The following ALDH5A1 variants were observed in gnomAD, a reference collection of about 807,000 sequenced individuals.
The protein encoded by ALDH5A1 is succinate-semialdehyde dehydrogenase, mitochondrial.
A neutral mutation model predicts 54.7 loss-of-function variants in ALDH5A1; 33 were observed. The ratio of observed to expected loss-of-function variants is 0.60; its 90% CI spans 0.46 to 0.81. ALDH5A1 has a LOEUF of 0.81. Ranked by LOEUF, ALDH5A1 falls within the 30% of genes least tolerant of loss-of-function variation. ALDH5A1 has a pLI of 0.00. For synonymous variants in ALDH5A1, 294 were observed against 292.7 expected, an observed-to-expected ratio of 1.00 and a Z score of -0.05; for missense variants, 657 against 711.0, an observed-to-expected ratio of 0.92 and a Z score of 0.86.
At chr6:24,512,851 G>C (rs962837196) in intron 4 of ALDH5A1, among the ~76,000 whole-genome samples, 1 of 151,906 alleles carries the variant, frequency 6.6e-6, no homozygotes, top group Non-Finnish European at 1.5e-5. Context: ...CATCATGCCC[G>C]TCTATTTTTT....
chr6:24,526,402 T>C (rs1241581271), intron 7 of ALDH5A1, among the ~76,000 whole-genome samples: 1 of 152,166 alleles, frequency 6.6e-6, no homozygotes. Context: ...TTTGGGAAGA[T>C]AGTACATCTG....
intron 1 of ALDH5A1, among the ~76,000 whole-genome samples, chr6:24,496,477 G>C (rs1764707823): frequency 6.6e-6 from 1 of 152,200 alleles, no homozygotes; most frequent in Non-Finnish European, 1.5e-5. Context: ...AAGTACCACA[G>C]ACTGGGTGGC....
chr6:24,499,101 C>CAAAAAAAAAAAAAAAAAAAAAAAAA (rs35062384), intron 1 of ALDH5A1, among the ~76,000 whole-genome samples: 1 of 91,258 alleles, frequency 1.1e-5, no homozygotes. Flanking sequence ...GACTCTGTCT[C>CAAAAAAAAAAAAAAAAAAAAAAAAA]AAAAAAAAAA....
chr6:24,527,910 A>G (rs1358371985), intron 7 of ALDH5A1, 87 bp from the exon 8 acceptor site: 2 of 1,500,278 alleles, frequency 1.3e-6, no homozygotes, highest in Non-Finnish European at 1.8e-6. Context: ...AAAGAAAAAA[A>G]AATGGAACTA....
intron 3 of ALDH5A1, 106 bp downstream of exon 3, chr6:24,503,539 C>T: frequency 2.2e-6 from 3 of 1,352,046 alleles, no homozygotes; most frequent in Non-Finnish European, 2.0e-6. Context: ...TTAGTTTTGT[C>T]ACCTGTTCCT....
chr6:24,496,142 A>G (rs369760234), intron 1 of ALDH5A1, among the ~76,000 whole-genome samples: 3 of 152,186 alleles, frequency 2.0e-5, no homozygotes, highest in African/African-American at 7.2e-5. Flanking sequence ...TACGAGTACA[A>G]GAGAGTCTTA....
Position 24,520,386 on chromosome 6 carries a change from C to T in ALDH5A1, c.871-15C>T. 6.2e-7 allele frequency: 1 copy of T among 1,613,842 alleles called. No homozygotes were observed. Among genetic ancestry groups the T allele is most frequent in the Non-Finnish European group, 8.5e-7 (1 of 1,180,000 alleles). On this transcript the variant is annotated splice_polypyrimidine_tract_variant and intron_variant, in intron 5 of 9. Transcript: ENST00000357578. ...TGGATTTCTGTGCTCACAGCTTTCTCTCCTCTGCTCACAGATCCTGTTGCA... is the reference window on the plus strand; with the variant it reads ...TGGATTTCTGTGCTCACAGCTTTCTTTCCTCTGCTCACAGATCCTGTTGCA...
At position 24,495,110 on chromosome 6, in the gene ALDH5A1, G is replaced by A. The variant is rs1231975480; in HGVS notation, c.114G>A (p.Ala38=). 2 of 1,309,490 alleles carry A rather than the reference G, an allele frequency of 1.5e-6. No homozygotes were observed. The highest frequency in any genetic ancestry group is 4.1e-5 in the Admixed American group (1 of 24,502). 81.1% of individuals were successfully genotyped at this position (1,309,490 alleles called of 1,614,324 possible). ...AGGLVPASGP[A]PGPAQLRCYA... ...GCCTGGTCCCTGCCTCCGGGCCTGC[G>A]CCCGGCCCGGCCCAGCTCCGCTGCT... Residue 38 remains alanine, a synonymous_variant, in exon 1 of 10, where the codon GCG becomes GCA. Coordinates refer to ENST00000357578, the MANE Select transcript of ALDH5A1 (RefSeq NM_001080.3).
intron 4 of ALDH5A1, among the ~76,000 whole-genome samples, chr6:24,511,541 G>A (rs1330024014): frequency 6.6e-6 from 1 of 151,970 alleles, no homozygotes. Context: ...CTTTGTCTTT[G>A]TTGATTGGGT....
intron 1 of ALDH5A1, among the ~76,000 whole-genome samples, chr6:24,500,930 T>C (rs888635271): frequency 6.6e-6 from 1 of 152,192 alleles, no homozygotes; most frequent in East Asian, 1.9e-4. Context: ...GATCATCCTG[T>C]AGATCCTGTT....
intron 6 of ALDH5A1, among the ~76,000 whole-genome samples, chr6:24,521,646 T>C (rs1304461584): frequency 1.3e-5 from 2 of 152,156 alleles, no homozygotes; most frequent in African/African-American, 4.8e-5. Flanking sequence ...CTAAATAAGC[T>C]TGGTTTTGTC....
At chr6:24,522,716 G>A (rs989019596) in intron 6 of ALDH5A1, 51 bp from the exon 7 acceptor site, 2 of 1,604,884 alleles carry the variant, frequency 1.2e-6, no homozygotes. Context: ...TCACTGGTCA[G>A]GTCTGCAGCT....
rs9461034 is a variant in ALDH5A1, at chr6:24,518,265, G to A, written c.871-2136G>A. 0.079 allele frequency among the ~76,000 whole-genome samples: 12,047 copies of A among 152,302 alleles called. 1,082 individuals carry two copies. The highest frequency in any genetic ancestry group is 0.22 in the African/African-American group (9,168 of 41,540). ...GGCCAATCACATGCTGTCTTTGGAA[G>A]CTGAGGCCCTGAGGAGGTCAGCCCA... On this transcript the variant is annotated intron_variant, in intron 5 of 9. Coordinates refer to ENST00000357578, the MANE Select transcript of ALDH5A1 (RefSeq NM_001080.3). The surrounding 1 kb of genome is among the most constrained non-coding windows in gnomAD (Gnocchi z 4.2).
rs760461822 is a variant in ALDH5A1 at position 24,504,922 on chromosome 6, C to T, written c.663C>T (p.Ala221=). 48 of 1,614,098 alleles carry T rather than the reference C, an allele frequency of 3.0e-5. No individual in the cohort carries two copies. The highest frequency in any genetic ancestry group is 3.7e-5 in the Non-Finnish European group (44 of 1,180,048). ...ITRKVGAALA[A]GCTVVVKPAE... is the part of the protein sequence containing the mutation. ...GGAAGGTGGGGGCCGCCCTGGCAGC[C>T]GGCTGTACTGTCGTGGTGAAGCCTG... Residue 221 remains alanine (A), a synonymous_variant, in exon 4 of 10, where the codon GCC becomes GCT. Coordinates refer to ENST00000357578, the MANE Select transcript of ALDH5A1 (RefSeq NM_001080.3).
At chr6:24,496,126 G>A (rs959280452) in intron 1 of ALDH5A1, among the ~76,000 whole-genome samples, 1 of 152,124 alleles carries the variant, frequency 6.6e-6, no homozygotes, top group Non-Finnish European at 1.5e-5. Flanking sequence ...TGCATCCAGC[G>A]ATCCCTACGA....
chr6:24,533,546 T>G lies in ALDH5A1; in HGVS notation c.1442T>G (p.Val481Gly), dbSNP rs1307830951. 4 of 1,613,976 alleles carry G rather than the reference T, an allele frequency of 2.5e-6. No homozygotes were observed. Among genetic ancestry groups the G allele is most frequent in the Non-Finnish European group, 3.4e-6 (4 of 1,179,994 alleles). The change falls in exon 10 of 10, where the codon GTG (valine) becomes GGG (glycine). Residue 481 changes from valine (V) to glycine (G), a missense_variant. Physicochemically the swap from Val to Gly is moderately radical, Grantham distance 109. Transcript: ENST00000357578. ...CAAGACCCAGCCCAGATCTGGAGAG[T>G]GGCAGAGCAGCTGGAAGTGGGCATG... Reference protein sequence around the residue: ...YSQDPAQIWRVAEQLEVGMVG... With the variant: ...YSQDPAQIWRGAEQLEVGMVG...
chr6:24,496,414 T>C (rs961465734), intron 1 of ALDH5A1, among the ~76,000 whole-genome samples: 4 of 152,208 alleles, frequency 2.6e-5, no homozygotes, highest in African/African-American at 9.6e-5. Context: ...AGGGGCAAGA[T>C]GCAGCATCAA....
intron 8 of ALDH5A1, among the ~76,000 whole-genome samples, chr6:24,531,085 C>G (rs1167843226): frequency 6.6e-6 from 1 of 152,234 alleles, no homozygotes; most frequent in African/African-American, 2.4e-5. Flanking sequence ...TTCTCTTTCT[C>G]TGTCCTCTGG....
At chr6:24,526,878 ATATATATATTCTATATATATATCTAC>A (rs1759808977) in intron 7 of ALDH5A1, among the ~76,000 whole-genome samples, 1 of 86,816 alleles carries the variant, frequency 1.2e-5, no homozygotes, top group Admixed American at 1.0e-4. Context: ...TATATCTTCT[ATATATATATTCTATATATATATCTAC>A]TATATATATA....
Sources: allele counts gnomAD v4.1 joint callset (sites outside exome capture counted in the v4.1 genomes callset), GRCh38; gene constraint gnomAD v4.1.1; non-coding constraint Gnocchi (gnomAD v3.1); transcripts MANE v1.5; gene names NCBI Gene and HGNC (gene_info 2026-07-23, HGNC 2026-07-21).